The following PRKD1 variants were observed in gnomAD, a reference collection of about 807,000 sequenced individuals.
The protein encoded by PRKD1 is serine/threonine-protein kinase D1.
Under a neutral mutation model 95.9 loss-of-function variants are expected in PRKD1, and 63 were observed. The observed-to-expected ratio is 0.66, with a 90% confidence interval of 0.54 to 0.81. The LOEUF (loss-of-function observed/expected upper bound fraction) is 0.81. Ranked by LOEUF, PRKD1 falls within the 30% of genes least tolerant of loss-of-function variation. PRKD1 has a pLI of 0.00. For synonymous variants in PRKD1, 425 were observed against 423.1 expected (o/e 1.00, Z -0.05); for missense variants, 1,048 against 1,165.3 (o/e 0.90, Z 1.47).
intron 1 of PRKD1, among the ~76,000 whole-genome samples, chr14:29,802,038 C>G (rs1890055306): frequency 6.6e-6 from 1 of 151,378 alleles, no homozygotes. Context: ...ACATTCCTGG[C>G]AAATAGTATA....
chr14:29,611,472 G>A (rs970323634), intron 13 of PRKD1, among the ~76,000 whole-genome samples: 2 of 151,838 alleles, frequency 1.3e-5, no homozygotes, highest in Admixed American at 6.6e-5. Context: ...TAGGGGGTGG[G>A]GGGAGTGAGA....
chr14:29,658,679 G>T (rs1022898448), intron 4 of PRKD1, among the ~76,000 whole-genome samples: 2 of 152,024 alleles, frequency 1.3e-5, no homozygotes, highest in African/African-American at 4.8e-5. Flanking sequence ...TTTTTGTTTG[G>T]TTTTTCCCTT....
chr14:29,719,699 C>T (rs1454260619), intron 2 of PRKD1, among the ~76,000 whole-genome samples: 1 of 152,194 alleles, frequency 6.6e-6, no homozygotes. Context: ...AAATTACTTA[C>T]ATAAACTGCT....
chr14:29,735,617 G>T (rs1191561324), intron 1 of PRKD1, among the ~76,000 whole-genome samples: 1 of 152,194 alleles, frequency 6.6e-6, no homozygotes, highest in Non-Finnish European at 1.5e-5. Context: ...CTTGTGTGAT[G>T]CAAGAGTCAG....
chr14:29,895,127 C>T lies in PRKD1; in HGVS notation c.264+32122G>A, dbSNP rs577118334. ...CAGGCAGATCACAAGGTCAGGGGTTCGAGACCAGCCTGGCCAGCATCTCTA... is the reference window on the plus strand; with the variant it reads ...CAGGCAGATCACAAGGTCAGGGGTTTGAGACCAGCCTGGCCAGCATCTCTA... On this transcript the variant is annotated intron_variant, in intron 1 of 17. Transcript: ENST00000331968. Among the ~76,000 whole-genome samples the T allele has an allele frequency of 5.9e-5, 9 of 152,130 alleles. No individual in the cohort carries two copies. In the South Asian group the frequency reaches 1.0e-3, roughly 18 times the overall value.
At chr14:29,596,667 CTGATCT>C (rs1183243990) in intron 16 of PRKD1, among the ~76,000 whole-genome samples, 1 of 150,564 alleles carries the variant, frequency 6.6e-6, no homozygotes, top group Middle Eastern at 3.2e-3. Context: ...ATTGGCCAAG[CTGATCT>C]TGAACCTCTG....
intron 1 of PRKD1, among the ~76,000 whole-genome samples, chr14:29,918,354 T>C (rs1040265174): frequency 1.3e-5 from 2 of 152,220 alleles, no homozygotes; most frequent in East Asian, 3.9e-4. Flanking sequence ...TATGAAAATA[T>C]CAAATAGTAA....
chr14:29,775,162 C>G (rs963324864), intron 1 of PRKD1, among the ~76,000 whole-genome samples: 1 of 152,136 alleles, frequency 6.6e-6, no homozygotes, highest in Non-Finnish European at 1.5e-5. Context: ...TTGAGAGGAC[C>G]GAGAGGTTCC....
chr14:29,764,265 C>A (rs1246285216), intron 1 of PRKD1, among the ~76,000 whole-genome samples: 1 of 151,708 alleles, frequency 6.6e-6, no homozygotes, highest in African/African-American at 2.4e-5. Flanking sequence ...TCAGAACAAT[C>A]TTTCTCCACT....
At chr14:29,881,474 ACAC>A (rs563097126) in intron 1 of PRKD1, among the ~76,000 whole-genome samples, 23 of 151,844 alleles carry the variant, frequency 1.5e-4, no homozygotes, top group Non-Finnish European at 3.4e-4. Context: ...ATGGACTAAC[ACAC>A]CACATTTCCT....
At chr14:29,821,232 G>A (rs993217142) in intron 1 of PRKD1, among the ~76,000 whole-genome samples, 1 of 152,156 alleles carries the variant, frequency 6.6e-6, no homozygotes, top group East Asian at 1.9e-4. Flanking sequence ...CTCTAAGGTA[G>A]ATTGTGTAGA....
intron 4 of PRKD1, among the ~76,000 whole-genome samples, chr14:29,660,748 C>A (rs759542934): frequency 6.6e-6 from 1 of 152,034 alleles, no homozygotes; most frequent in Non-Finnish European, 1.5e-5. Flanking sequence ...GTAAAGCATA[C>A]AGAAATAATA....
At chr14:29,684,734 A>G (rs569263771) in intron 2 of PRKD1, among the ~76,000 whole-genome samples, 1 of 152,280 alleles carries the variant, frequency 6.6e-6, no homozygotes, top group Non-Finnish European at 1.5e-5. Flanking sequence ...AATGACTAGG[A>G]AGGACAGTGT....
chr14:29,827,923 C>A (rs1253524992), intron 1 of PRKD1, among the ~76,000 whole-genome samples: 1 of 152,078 alleles, frequency 6.6e-6, no homozygotes, highest in Non-Finnish European at 1.5e-5. Context: ...TCCTCTTCCT[C>A]CCACTGTATC....
At chr14:29,783,798 T>C (rs1459457450) in intron 1 of PRKD1, among the ~76,000 whole-genome samples, 2 of 152,216 alleles carry the variant, frequency 1.3e-5, no homozygotes, top group East Asian at 3.8e-4. Flanking sequence ...CTGTTGAGAA[T>C]GTCCACTCAG....
chr14:29,637,031 C>A (rs943569171), intron 6 of PRKD1, among the ~76,000 whole-genome samples: 2 of 152,070 alleles, frequency 1.3e-5, no homozygotes, highest in African/African-American at 4.8e-5. Flanking sequence ...TTTTCCCAAG[C>A]CTGAAAACAT....
intron 13 of PRKD1, among the ~76,000 whole-genome samples, chr14:29,614,632 A>G (rs1239531251): frequency 6.6e-6 from 1 of 152,126 alleles, no homozygotes; most frequent in Non-Finnish European, 1.5e-5. Flanking sequence ...CAGTTATAAT[A>G]ATAAATTAGT....
At chr14:29,602,226 T>G (rs1389178955) in intron 13 of PRKD1, among the ~76,000 whole-genome samples, 1 of 151,908 alleles carries the variant, frequency 6.6e-6, no homozygotes, top group Non-Finnish European at 1.5e-5. Flanking sequence ...GAACAAGAGA[T>G]AAGCGTTAAG....
At chr14:29,736,489 T>C (rs1355487156) in intron 1 of PRKD1, among the ~76,000 whole-genome samples, 1 of 152,082 alleles carries the variant, frequency 6.6e-6, no homozygotes, top group Non-Finnish European at 1.5e-5. Context: ...TGTGTGAGCT[T>C]TGAAATCTGA....
Sources: gnomAD v4.1 joint callset for allele counts (sites outside exome capture counted in the v4.1 genomes callset) on GRCh38, gnomAD v4.1.1 for gene constraint, MANE v1.5 for transcripts, NCBI Gene and HGNC (gene_info 2026-07-23, HGNC 2026-07-21) for gene names.